Variants in TRIM41 observed in about 807,000 individuals in gnomAD.
TRIM41 encodes the protein tripartite motif containing 41.
In TRIM41, 21 loss-of-function variants were observed where a neutral mutation model predicts 60.6. The observed-to-expected ratio is 0.35, with a 90% CI of 0.25 to 0.50. The LOEUF (loss-of-function observed/expected upper bound fraction) is 0.50, where lower values mean the gene tolerates loss of function less well. Ranked by LOEUF, TRIM41 falls within the 20% of genes least tolerant of loss-of-function variation. The pLI is 0.98. For synonymous variants in TRIM41, 407 were observed against 344.9 expected, an observed-to-expected ratio of 1.18 and a Z score of -2.00; for missense variants, 846 against 868.3, an observed-to-expected ratio of 0.97 and a Z score of 0.32.
chr5:181,224,665 C>T lies in TRIM41; in HGVS notation c.666C>T (p.Thr222=), dbSNP rs764363977. ...CCCCTGGTCGAGGGAGCCGCGTGAC[C>T]GATCAGGGCATCTGTCCCAAACACC... The part of the protein sequence containing the change: ...HPTPGRGSRV[T]DQGICPKHQE... The change falls in exon 1 of 6, where the codon ACC becomes ACT. Residue 222 remains threonine, a synonymous_variant. Transcript: ENST00000315073. 6.8e-6 allele frequency: 11 copies of T among 1,614,220 alleles called. No individual in the cohort carries two copies. The highest frequency in any genetic ancestry group is 9.3e-6 in the Non-Finnish European group (11 of 1,180,042).
rs143319419 is a variant in TRIM41, at chr5:181,232,266, C to T, written c.910-393C>T. On this transcript the variant is annotated intron_variant, in intron 2 of 5. Coordinates refer to ENST00000315073, the MANE Select transcript of TRIM41 (RefSeq NM_033549.5). ...GGTACAGTGGGGGAAAGGATGTTAA[C>T]AGTTACGTCATTTAAACACAACGTT... 333 of 207,398 alleles carry T rather than the reference C, an allele frequency of 1.6e-3. 1 individual carries two copies. The highest frequency in any genetic ancestry group is 2.4e-3 in the Non-Finnish European group (247 of 104,058). The allele number at this position is 207,398 out of a possible 1,614,324, so 12.8% of individuals were successfully genotyped here.
Position 181,235,004 on chromosome 5 carries a change from G to C in TRIM41, c.*229G>C. The C allele has an allele frequency of 6.2e-7, 1 of 1,614,006 alleles. No homozygotes were observed. Among genetic ancestry groups the C allele is most frequent in the Non-Finnish European group, 8.5e-7 (1 of 1,179,952 alleles). ...CTATGTCTGTCCAACAGGTCTGCAT[G>C]GGTCCCTGATAATGAGAACAGCTGC... is the stretch of plus-strand genomic sequence containing the variant. On this transcript the variant is annotated 3_prime_UTR_variant, in exon 6 of 6. Transcript: ENST00000315073.
In TRIM41 at chr5:181,234,166, C is replaced by G. The variant is rs759307853; in HGVS notation, c.1292-8C>G. 8 of 1,608,690 alleles carry G rather than the reference C, an allele frequency of 5.0e-6. No individual in the cohort carries two copies. The highest frequency in any genetic ancestry group is 1.3e-5 in the African/African-American group (1 of 75,020). On this transcript the variant is annotated splice_polypyrimidine_tract_variant and splice_region_variant and intron_variant, in intron 5 of 5. Transcript: ENST00000315073. The surrounding 1 kb of genome is among the most constrained non-coding windows in gnomAD (Gnocchi z 5.6). ...GCCCTGGCGTATTTGTCCTCCCTCC[C>G]TCCCAAGTGGACCTGACGCTGGACC...
rs1299526457 is a variant in TRIM41 at position 181,223,900 on chromosome 5, C to G, written c.-100C>G. The stretch of plus-strand genomic sequence containing the variant: ...GCTCTTGGGGCGAGGTGTGGAGGGG[C>G]AGGGCTGGGGGTGGAGCCGGGTCGC... On this transcript the variant is annotated 5_prime_UTR_variant, in exon 1 of 6. Coordinates refer to ENST00000315073, the MANE Select transcript of TRIM41 (RefSeq NM_033549.5). 1.6e-6 allele frequency: 2 copies of G among 1,266,932 alleles called. No homozygotes were observed. The highest frequency in any genetic ancestry group is 3.0e-5 in the African/African-American group (2 of 67,228). The allele number at this position is 1,266,932 out of a possible 1,614,324, so 78.5% of individuals were successfully genotyped here. A position where few individuals can be genotyped will look rare whatever the true frequency, so the allele number is the denominator to read the frequency against.
chr5:181,235,294 A>C lies in TRIM41; in HGVS notation c.*519A>C. The stretch of plus-strand genomic sequence containing the variant: ...GGGTAGAGCTGGGTAATAAATGTCT[A>C]TTCTCCTGGGGAGGAGGGATTCTAA... On this transcript the variant is annotated 3_prime_UTR_variant, in exon 6 of 6. Transcript: ENST00000315073. 2 of 1,613,922 alleles carry C rather than the reference A, an allele frequency of 1.2e-6. No individual in the cohort carries two copies.
Position 181,232,736 on chromosome 5 carries a change from A to T in TRIM41, c.987A>T (p.Ala329=), listed in dbSNP as rs764736502. ...CACGGTTTCTGGCTGAAGAGCAGGCAGGGCTGGAACGGCGTCTCAGAGAGA... is the reference window on the plus strand; with the variant it reads ...CACGGTTTCTGGCTGAAGAGCAGGCTGGGCTGGAACGGCGTCTCAGAGAGA... ...RLTRFLAEEQ[A]GLERRLREMH... The change falls in exon 3 of 6, where the codon GCA becomes GCT. Residue 329 remains alanine (A), a synonymous_variant. Transcript: ENST00000315073. 51 of 1,613,896 alleles carry T rather than the reference A, an allele frequency of 3.2e-5. 2 individuals carry two copies. In the South Asian group the frequency reaches 5.1e-4, roughly 16 times the overall value.
rs376574749 is a variant in TRIM41 at position 181,225,179 on chromosome 5, A to G, written c.813+367A>G. On this transcript the variant is annotated intron_variant, in intron 1 of 5. Coordinates refer to ENST00000315073, the MANE Select transcript of TRIM41 (RefSeq NM_033549.5). Reference sequence around the variant, plus strand: ...AAAGAACTGGGGGCTTCAAAGGACAAGAAAAGGCTCAGAAGCAGGAACACA... The same window carrying G: ...AAAGAACTGGGGGCTTCAAAGGACAGGAAAAGGCTCAGAAGCAGGAACACA... 7.7e-5 allele frequency: 23 copies of G among 300,118 alleles called. 1 individual carries two copies. Among genetic ancestry groups the G allele is most frequent in the Middle Eastern group, 6.4e-4 (1 of 1,554 alleles). 18.6% of individuals were successfully genotyped at this position (300,118 alleles called of 1,614,324 possible).
In TRIM41 at chr5:181,234,701, G is replaced by C; in HGVS notation, c.1819G>C (p.Ala607Pro). 1 of 1,614,214 alleles carries C rather than the reference G, an allele frequency of 6.2e-7. No individual in the cohort carries two copies. The highest frequency in any genetic ancestry group is 8.5e-7 in the Non-Finnish European group (1 of 1,180,036). The change falls in exon 6 of 6, where the codon GCC (alanine) becomes CCC (proline). Residue 607 changes from alanine to proline, a missense_variant. By Grantham distance (27) the Ala-to-Pro change is conservative (BLOSUM62 -1). Transcript: ENST00000315073. This position sits in a 1 kb window ranked among gnomAD's most constrained non-coding sequence, Gnocchi z 5.6. ...AGCCCACGTGCACACCTTCTCGGCTGCCTTCCTGGGCGAGCGTGTCTTTCC... is the reference window on the plus strand; with the variant it reads ...AGCCCACGTGCACACCTTCTCGGCTCCCTTCCTGGGCGAGCGTGTCTTTCC... The part of the protein sequence containing the change: ...TLAHVHTFSA[A>P]FLGERVFPFF...
intron 1 of TRIM41, chr5:181,225,220 G>C: frequency 7.7e-6 from 2 of 259,516 alleles, no homozygotes; most frequent in Non-Finnish European, 1.5e-5. Flanking sequence ...AACTGCTAGT[G>C]TCAGTGTCAG....
In TRIM41 at chr5:181,223,732, G is replaced by A. The variant is rs534319987; in HGVS notation, c.-268G>A. ...TTTATGAGGAGTCCAAGGGAGCATT[G>A]GGGCAGACTTGTACTCAGAGCCACC... On this transcript the variant is annotated 5_prime_UTR_variant, in exon 1 of 6. It introduces an in-frame stop codon into an upstream open reading frame of the 5' UTR. Transcript: ENST00000315073. 4 of 581,214 alleles carry A rather than the reference G, an allele frequency of 6.9e-6. No individual in the cohort carries two copies. The highest frequency in any genetic ancestry group is 3.2e-5 in the Admixed American group (1 of 31,548). The allele number at this position is 581,214 out of a possible 1,614,324, so 36.0% of individuals were successfully genotyped here. A position where few individuals can be genotyped will look rare whatever the true frequency, so the allele number is the denominator to read the frequency against.
intron 1 of TRIM41, chr5:181,228,824 C>G (rs1201424571): frequency 6.7e-6 from 1 of 149,486 alleles, no homozygotes; most frequent in Non-Finnish European, 1.5e-5. Flanking sequence ...ATCTCAGCTA[C>G]TCGGGAGGCT....
rs929220197 is a variant in TRIM41, at chr5:181,235,126, C to T, written c.*351C>T. 73 of 1,575,978 alleles carry T rather than the reference C, an allele frequency of 4.6e-5. No individual in the cohort carries two copies. The highest frequency in any genetic ancestry group is 3.8e-4 in the Admixed American group (21 of 54,754). ...TAATTTCATTCCTTAACTTCCTTTT[C>T]CCCACCCCTGCTCTTCAACCTCTTT... On this transcript the variant is annotated 3_prime_UTR_variant, in exon 6 of 6. Transcript: ENST00000315073.
intron 1 of TRIM41, chr5:181,225,124 T>G: frequency 6.9e-6 from 3 of 434,640 alleles, no homozygotes; most frequent in Non-Finnish European, 1.3e-5. Flanking sequence ...GAGTCTTAAG[T>G]CTGTCCTTGA....
chr5:181,234,084 G>A lies in TRIM41; in HGVS notation c.1292-90G>A, dbSNP rs1314996797. ...GGGATGGTGTGGGGAGCTGGATTCA[G>A]GGAGAAAGGGGGCCCAATCTGTGGA... On this transcript the variant is annotated intron_variant, in intron 5 of 5. Coordinates refer to ENST00000315073, the MANE Select transcript of TRIM41 (RefSeq NM_033549.5). This position sits in a 1 kb window ranked among gnomAD's most constrained non-coding sequence, Gnocchi z 5.6. 6 of 1,592,382 alleles carry A rather than the reference G, an allele frequency of 3.8e-6. No homozygotes were observed. The highest frequency in any genetic ancestry group is 1.3e-5 in the African/African-American group (1 of 74,814).
At chr5:181,226,779 T>G (rs1758568950) in intron 1 of TRIM41, 1 of 152,212 alleles carries the variant, frequency 6.6e-6, no homozygotes, top group Admixed American at 6.5e-5. Flanking sequence ...TAATTTGCAT[T>G]AGCCAAATTT....
chr5:181,228,354 G>C (rs1472478026), intron 1 of TRIM41: 1 of 151,830 alleles, frequency 6.6e-6, no homozygotes, highest in Non-Finnish European at 1.5e-5. Flanking sequence ...GAAGTCAGGA[G>C]TTCAAGACCA....
chr5:181,233,526 C>T lies in TRIM41; in HGVS notation c.1163+91C>T. On this transcript the variant is annotated intron_variant, in intron 4 of 5. Transcript: ENST00000315073. The surrounding 1 kb of genome is among the most constrained non-coding windows in gnomAD (Gnocchi z 4.1). ...GGTATCCCTCTCCTCTCCTTCCTTC[C>T]CCAGGACCTGAGTTTCCATCTCCTG... 6.2e-7 allele frequency: 1 copy of T among 1,611,580 alleles called. No individual in the cohort carries two copies. Among genetic ancestry groups the T allele is most frequent in the Non-Finnish European group, 8.5e-7 (1 of 1,178,046 alleles).
rs1231030161 is a variant in TRIM41, at chr5:181,223,406, GA to G, written c.-592del. The G allele has an allele frequency of 5.0e-6, 2 of 399,814 alleles. No homozygotes were observed. Among genetic ancestry groups the G allele is most frequent in the African/African-American group, 4.1e-5 (2 of 48,656 alleles). 24.8% of individuals were successfully genotyped at this position (399,814 alleles called of 1,614,324 possible). A position where few individuals can be genotyped will look rare whatever the true frequency, so the allele number is the denominator to read the frequency against. ...CCGCCAGGCGCTCCCCCTACCCCCC[GA>G]AGTTTCTCCCCAGCGGCGGGGGATG... On this transcript the variant is annotated 5_prime_UTR_variant, in exon 1 of 6. An upstream open reading frame in the 5' UTR loses its in-frame stop. Coordinates refer to ENST00000315073, the MANE Select transcript of TRIM41 (RefSeq NM_033549.5).
chr5:181,232,555 T>C lies in TRIM41; in HGVS notation c.910-104T>C, dbSNP rs1407418491. On this transcript the variant is annotated intron_variant, in intron 2 of 5. Coordinates refer to ENST00000315073, the MANE Select transcript of TRIM41 (RefSeq NM_033549.5). ...CCGGGACTATCTTGGACCTGGGGAG[T>C]GTAGGGCTCCTTTGCCTTGCATTGA... is the stretch of plus-strand genomic sequence containing the variant. The C allele has an allele frequency of 2.8e-6, 3 of 1,076,340 alleles. No individual in the cohort carries two copies. In the African/African-American group the frequency reaches 4.8e-5, roughly 17 times the overall value. 66.7% of individuals were successfully genotyped at this position (1,076,340 alleles called of 1,614,324 possible).
Sources: gnomAD v4.1 joint callset for allele counts on GRCh38, gnomAD v4.1.1 for gene constraint, Gnocchi (gnomAD v3.1) non-coding constraint, MANE v1.5 for transcripts, NCBI Gene and HGNC (gene_info 2026-07-23, HGNC 2026-07-21) for gene names.